The following CTIF variants were observed in gnomAD, a reference collection of about 807,000 sequenced individuals.
The protein encoded by CTIF is CBP80/20-dependent translation initiation factor.
A neutral mutation model predicts 66.0 loss-of-function variants in CTIF; 21 were observed. The observed-to-expected ratio is 0.32, with a 90% confidence interval of 0.23 to 0.46. CTIF has a LOEUF of 0.46. CTIF is among the 20% of genes least tolerant of loss of function. CTIF has a pLI of 1.00. For synonymous variants in CTIF, 345 were observed against 326.4 expected, an observed-to-expected ratio of 1.06 and a Z score of -0.62; for missense variants, 739 against 812.7, an observed-to-expected ratio of 0.91 and a Z score of 1.10.
intron 7 of CTIF, among the ~76,000 whole-genome samples, chr18:48,722,373 A>G (rs2092346669): frequency 6.6e-6 from 1 of 151,570 alleles, no homozygotes; most frequent in South Asian, 2.1e-4. Context: ...GTGCCACCAC[A>G]CTTGGCTAAA....
chr18:48,595,304 C>T (rs917732309), intron 1 of CTIF, among the ~76,000 whole-genome samples: 1 of 152,166 alleles, frequency 6.6e-6, no homozygotes, highest in African/African-American at 2.4e-5. Context: ...AGAGTGGGAG[C>T]GGCTCCCTTC....
In CTIF at chr18:48,792,466, G is replaced by C. The variant is rs78597693; in HGVS notation, c.1372-24755G>C. On this transcript the variant is annotated intron_variant, in intron 9 of 11. Transcript: ENST00000256413. Reference sequence around the variant, plus strand: ...TTAATAGCGTCACTCAGGCTGCTGGGTTGAGAGGAGTCTGAAAGGGTGGAG... The same window carrying C: ...TTAATAGCGTCACTCAGGCTGCTGGCTTGAGAGGAGTCTGAAAGGGTGGAG... Among the ~76,000 whole-genome samples, 1,462 of 152,334 alleles carry C rather than the reference G, an allele frequency of 9.6e-3. 25 individuals carry two copies. Among genetic ancestry groups the C allele is most frequent in the African/African-American group, 0.033 (1,389 of 41,584 alleles).
chr18:48,757,770 T>G (rs1908534040), intron 7 of CTIF, 149 bp from the exon 8 acceptor site: 2 of 1,092,800 alleles, frequency 1.8e-6, no homozygotes, highest in African/African-American at 3.1e-5. Flanking sequence ...TGTCACAGAC[T>G]CTGGCACGTA....
At chr18:48,811,855 A>C (rs759826223) in intron 9 of CTIF, among the ~76,000 whole-genome samples, 1 of 152,248 alleles carries the variant, frequency 6.6e-6, no homozygotes, top group African/African-American at 2.4e-5. Flanking sequence ...GTAATGCTAC[A>C]TACTGACATC....
At chr18:48,756,197 C>G (rs1050213347) in intron 7 of CTIF, 1 of 152,218 alleles carries the variant, frequency 6.6e-6, no homozygotes, top group Non-Finnish European at 1.5e-5. Flanking sequence ...ACCACTCCAG[C>G]GGAGGCCCAA....
At chr18:48,647,457 T>G (rs1162482706) in intron 3 of CTIF, among the ~76,000 whole-genome samples, 1 of 152,202 alleles carries the variant, frequency 6.6e-6, no homozygotes, top group Non-Finnish European at 1.5e-5. Context: ...ATTAAGAGGA[T>G]GAAGAGACAA....
intron 3 of CTIF, among the ~76,000 whole-genome samples, chr18:48,659,314 C>G (rs1006184314): frequency 6.6e-5 from 10 of 152,192 alleles, no homozygotes; most frequent in Non-Finnish European, 1.0e-4. Context: ...TCATGGCGAT[C>G]TCCTTCCTGA....
At chr18:48,614,555 G>A (rs540762977) in intron 1 of CTIF, among the ~76,000 whole-genome samples, 57 of 152,304 alleles carry the variant, frequency 3.7e-4, no homozygotes, top group African/African-American at 1.1e-3. Flanking sequence ...ATGAAATTCT[G>A]ATACATGTTA....
At chr18:48,706,074 G>T (rs977269067) in intron 6 of CTIF, among the ~76,000 whole-genome samples, 4 of 152,120 alleles carry the variant, frequency 2.6e-5, no homozygotes, top group Admixed American at 6.5e-5. Context: ...TGGGGGCATG[G>T]GTAGGTAGAT....
At position 48,670,700 on chromosome 18, in the gene CTIF, G is replaced by A. The variant is rs1568121452; in HGVS notation, c.463G>A (p.Gly155Ser). ...CGKGKLEDGDGINLNDIEKVL... is the reference protein window; with the variant it reads ...CGKGKLEDGDSINLNDIEKVL... Reference sequence around the variant, plus strand: ...CAAAGGGAAGCTGGAAGATGGGGATGGCATCAACCTGAATGACATCGAGAA... The same window carrying A: ...CAAAGGGAAGCTGGAAGATGGGGATAGCATCAACCTGAATGACATCGAGAA... Residue 155 changes from glycine to serine, a missense_variant, in exon 6 of 12, where the codon GGC becomes AGC. Transcript: ENST00000256413. 1 of 1,614,148 alleles carries A rather than the reference G, an allele frequency of 6.2e-7. No homozygotes were observed.
chr18:48,833,605 G>A (rs559000368), intron 10 of CTIF, among the ~76,000 whole-genome samples: 4 of 152,172 alleles, frequency 2.6e-5, no homozygotes, highest in Non-Finnish European at 5.9e-5. Context: ...CCCTTCCGGG[G>A]ACTTTCACAT....
In CTIF at chr18:48,787,603, C is replaced by T. The variant is rs867243504; in HGVS notation, c.1371+25914C>T. Among the ~76,000 whole-genome samples the T allele has an allele frequency of 4.6e-5, 7 of 152,290 alleles. No individual in the cohort carries two copies. In the Middle Eastern group the frequency reaches 0.017, roughly 370 times the overall value. ...ACCGTGACGGGCCCCAGCTCCAGGC[C>T]TCCTGGGTATCCTCTCATGGTTGAG... On this transcript the variant is annotated intron_variant, in intron 9 of 11. Coordinates refer to ENST00000256413, the MANE Select transcript of CTIF (RefSeq NM_014772.3).
intron 1 of CTIF, among the ~76,000 whole-genome samples, chr18:48,579,078 G>A (rs770685562): frequency 1.3e-5 from 2 of 152,158 alleles, no homozygotes; most frequent in Non-Finnish European, 2.9e-5. Flanking sequence ...TAGAGACAGT[G>A]TCTCACTCTG....
chr18:48,623,073 G>C (rs1400631663), intron 2 of CTIF, among the ~76,000 whole-genome samples: 3 of 152,250 alleles, frequency 2.0e-5, no homozygotes, highest in African/African-American at 7.2e-5. Context: ...TGGGCTCTGT[G>C]CTTCTGGCAC....
chr18:48,630,095 A>G (rs561031979), intron 2 of CTIF, among the ~76,000 whole-genome samples: 1 of 152,314 alleles, frequency 6.6e-6, no homozygotes, highest in Admixed American at 6.5e-5. Context: ...AGTATGATGA[A>G]ATCTCATGCT....
At chr18:48,791,084 G>T (rs1045123298) in intron 9 of CTIF, among the ~76,000 whole-genome samples, 2 of 152,208 alleles carry the variant, frequency 1.3e-5, no homozygotes, top group Non-Finnish European at 2.9e-5. Context: ...AGGAAGGGGA[G>T]GCCCTGTACA....
intron 6 of CTIF, among the ~76,000 whole-genome samples, chr18:48,698,879 T>G (rs537106862): frequency 6.6e-6 from 1 of 152,332 alleles, no homozygotes; most frequent in Non-Finnish European, 1.5e-5. Context: ...AGTTCCTCTC[T>G]GTGGCCTAGG....
chr18:48,669,790 CATTTATATATAT>C (rs1437542099), intron 5 of CTIF, among the ~76,000 whole-genome samples: 576 of 35,966 alleles, frequency 0.016, 63 homozygotes, highest in East Asian at 0.03. Flanking sequence ...ACAAGCTAAA[CATTTATATATAT>C]ATATATATAT....
chr18:48,615,630 G>A (rs905202723), intron 1 of CTIF, among the ~76,000 whole-genome samples: 16 of 152,214 alleles, frequency 1.1e-4, no homozygotes, highest in African/African-American at 2.9e-4. Flanking sequence ...GCCTGGAATT[G>A]TCTGAGACAC....
Sources: gnomAD v4.1 joint callset for allele counts (sites outside exome capture counted in the v4.1 genomes callset) on GRCh38, gnomAD v4.1.1 for gene constraint, MANE v1.5 for transcripts, NCBI Gene and HGNC (gene_info 2026-07-23, HGNC 2026-07-21) for gene names.